The following DCUN1D3 variants were observed in gnomAD, a reference collection of about 807,000 sequenced individuals.
The protein encoded by DCUN1D3 is DCN1-like protein 3.
In DCUN1D3, 6 loss-of-function variants were observed where a neutral mutation model predicts 24.8. The observed-to-expected ratio is 0.24, with a 90% confidence interval of 0.13 to 0.48. The LOEUF (loss-of-function observed/expected upper bound fraction) is 0.48. Among genes scored for constraint, DCUN1D3 ranks in the 20% least tolerant of loss-of-function variants. The pLI, the probability that DCUN1D3 is intolerant of heterozygous loss-of-function variation, is 0.99. For missense variants in DCUN1D3, 258 were observed against 379.4 expected, an observed-to-expected ratio of 0.68 and a Z score of 2.66; for synonymous variants, 120 against 144.9, an observed-to-expected ratio of 0.83 and a Z score of 1.24.
chr16:20,894,826 A>C (rs1203388014), intron 1 of DCUN1D3, among the ~76,000 whole-genome samples: 3 of 152,300 alleles, frequency 2.0e-5, no homozygotes, highest in Admixed American at 1.3e-4. Flanking sequence ...TCATTTGCAC[A>C]CATCTTAAAG....
chr16:20,886,030 T>A (rs2081866563), intron 1 of DCUN1D3, among the ~76,000 whole-genome samples: 1 of 141,206 alleles, frequency 7.1e-6, no homozygotes, highest in African/African-American at 2.7e-5. Context: ...CTGCTAAAGG[T>A]GAAAGAGTAA....
intron 1 of DCUN1D3, among the ~76,000 whole-genome samples, chr16:20,876,910 A>T (rs773139027): frequency 6.6e-6 from 1 of 152,190 alleles, no homozygotes; most frequent in Non-Finnish European, 1.5e-5. Context: ...TCTCAGGAAG[A>T]GAGAGACAGT....
In DCUN1D3 at chr16:20,859,717, A is replaced by C. The variant is rs2081720896; in HGVS notation, c.*169T>G. 5.7e-6 allele frequency: 5 copies of C among 881,722 alleles called. No homozygotes were observed. In the Admixed American group the frequency reaches 1.7e-4, roughly 31 times the overall value. The allele number at this position is 881,722 out of a possible 1,614,324, so 54.6% of individuals were successfully genotyped here. A position where few individuals can be genotyped will look rare whatever the true frequency, so the allele number is the denominator to read the frequency against. On this transcript the variant is annotated 3_prime_UTR_variant, in exon 3 of 3. Transcript: ENST00000324344. ...AACCAAAATAACCAAAAAAATGAAG[A>C]AAGTGCCTAAAACATGATACAGCAT...
intron 1 of DCUN1D3, among the ~76,000 whole-genome samples, chr16:20,869,158 C>T (rs1277401899): frequency 2.0e-5 from 3 of 152,256 alleles, no homozygotes; most frequent in Non-Finnish European, 4.4e-5. Context: ...GTTGCTCTAG[C>T]TCCAAAGAGG....
In DCUN1D3 at chr16:20,858,156, A is replaced by C. The variant is rs1158978264; in HGVS notation, c.*1730T>G. The C allele has an allele frequency of 6.6e-6, 1 of 152,646 alleles. No individual in the cohort carries two copies. The highest frequency in any genetic ancestry group is 1.5e-5 in the Non-Finnish European group (1 of 68,042). 9.5% of individuals were successfully genotyped at this position (152,646 alleles called of 1,614,324 possible). The stretch of plus-strand genomic sequence containing the variant: ...AAGCTGAACTATACAAGTTCCTGCC[A>C]CCCATCCTTCCAGTACAGTTTTCTG... On this transcript the variant is annotated 3_prime_UTR_variant, in exon 3 of 3. Coordinates refer to ENST00000324344, the MANE Select transcript of DCUN1D3 (RefSeq NM_173475.4).
intron 1 of DCUN1D3, among the ~76,000 whole-genome samples, chr16:20,863,820 C>T (rs1472002620): frequency 2.0e-5 from 3 of 152,152 alleles, no homozygotes; most frequent in Non-Finnish European, 4.4e-5. Context: ...TAAGGCCACA[C>T]ATCTACAACC....
chr16:20,882,735 G>A (rs936440816), intron 1 of DCUN1D3, among the ~76,000 whole-genome samples: 4 of 152,198 alleles, frequency 2.6e-5, no homozygotes, highest in Non-Finnish European at 5.9e-5. Context: ...GAAACACGAT[G>A]TGTCCAATCC....
chr16:20,890,573 G>A (rs2081888006), intron 1 of DCUN1D3, among the ~76,000 whole-genome samples: 1 of 152,076 alleles, frequency 6.6e-6, no homozygotes, highest in Admixed American at 6.6e-5. Context: ...AAATGACAGT[G>A]AGCTATGATA....
At chr16:20,893,738 T>G (rs1709033290) in intron 1 of DCUN1D3, among the ~76,000 whole-genome samples, 1 of 152,190 alleles carries the variant, frequency 6.6e-6, no homozygotes, top group South Asian at 2.1e-4. Context: ...CCAGATATGC[T>G]AAGATTCTGC....
At position 20,865,077 on chromosome 16, in the gene DCUN1D3, A is replaced by G. The variant is rs1053492375; in HGVS notation, c.-105-2434T>C. Among the ~76,000 whole-genome samples the G allele has an allele frequency of 4.6e-5, 7 of 151,968 alleles. No homozygotes were observed. In the East Asian group the frequency reaches 1.3e-3, roughly 29 times the overall value. ...ACCTGGGTGATGAAATAATATGTACAACAAACCCCCATGACACATGTTTAC... is the reference window on the plus strand; with the variant it reads ...ACCTGGGTGATGAAATAATATGTACGACAAACCCCCATGACACATGTTTAC... On this transcript the variant is annotated intron_variant, in intron 1 of 2. Coordinates refer to ENST00000324344, the MANE Select transcript of DCUN1D3 (RefSeq NM_173475.4).
At chr16:20,870,313 A>C (rs1055441955) in intron 1 of DCUN1D3, among the ~76,000 whole-genome samples, 1 of 152,330 alleles carries the variant, frequency 6.6e-6, no homozygotes, top group African/African-American at 2.4e-5. Context: ...AAGAAAAAGC[A>C]GAAGTCCAAA....
intron 1 of DCUN1D3, among the ~76,000 whole-genome samples, chr16:20,884,950 T>C (rs888122665): frequency 6.6e-6 from 1 of 151,066 alleles, no homozygotes; most frequent in Non-Finnish European, 1.5e-5. Context: ...GAGAATAATG[T>C]TGGGCTATAT....
intron 1 of DCUN1D3, among the ~76,000 whole-genome samples, chr16:20,881,871 T>C (rs993870493): frequency 2.0e-5 from 3 of 152,144 alleles, no homozygotes; most frequent in African/African-American, 7.2e-5. Flanking sequence ...GGTACAATTT[T>C]GGCTCACTGC....
intron 2 of DCUN1D3, among the ~76,000 whole-genome samples, chr16:20,861,858 C>A (rs896451780): frequency 1.3e-5 from 2 of 152,060 alleles, no homozygotes; most frequent in Non-Finnish European, 2.9e-5. Flanking sequence ...TGCTGAGATT[C>A]CTATTCAGTA....
chr16:20,864,672 C>T (rs990413560), intron 1 of DCUN1D3, among the ~76,000 whole-genome samples: 1 of 152,148 alleles, frequency 6.6e-6, no homozygotes. Context: ...ACCATTCTGC[C>T]ACAAAGACAC....
At position 20,860,602 on chromosome 16, in the gene DCUN1D3, C is replaced by T. The variant is rs1175211930; in HGVS notation, c.432-233G>A. 6.6e-6 allele frequency among the ~76,000 whole-genome samples: 1 copy of T among 152,218 alleles called. No homozygotes were observed. The highest frequency in any genetic ancestry group is 1.5e-5 in the Non-Finnish European group (1 of 68,038). ...CTATTCTGCTTCTAACAGTGCCTGG[C>T]ACACGGTTGGCAGCTGATAATGGTT... On this transcript the variant is annotated intron_variant, in intron 2 of 2. Transcript: ENST00000324344. This position sits in a 1 kb window ranked among gnomAD's most constrained non-coding sequence, Gnocchi z 4.3.
At chr16:20,867,171 T>C (rs972910463) in intron 1 of DCUN1D3, among the ~76,000 whole-genome samples, 5 of 152,156 alleles carry the variant, frequency 3.3e-5, no homozygotes, top group Non-Finnish European at 5.9e-5. Context: ...TTACCCATGA[T>C]CACACATCTG....
intron 1 of DCUN1D3, among the ~76,000 whole-genome samples, chr16:20,887,796 T>C (rs954005246): frequency 6.6e-6 from 1 of 152,256 alleles, no homozygotes; most frequent in African/African-American, 2.4e-5. Flanking sequence ...CAAAGTCTAA[T>C]GTGGTTTTGC....
intron 1 of DCUN1D3, among the ~76,000 whole-genome samples, chr16:20,886,064 G>GAAAA (rs34484157): frequency 2.9e-5 from 4 of 136,518 alleles, no homozygotes; most frequent in African/African-American, 8.4e-5. Context: ...TTTTTTCATT[G>GAAAA]AAAAAAAAAA....
Sources: gnomAD v4.1 joint callset for allele counts (sites outside exome capture counted in the v4.1 genomes callset) on GRCh38, gnomAD v4.1.1 for gene constraint, Gnocchi (gnomAD v3.1) non-coding constraint, MANE v1.5 for transcripts, NCBI Gene and HGNC (gene_info 2026-07-23, HGNC 2026-07-21) for gene names.